NDUFA5: variants seen among roughly 807,000 people sequenced by gnomAD.
The protein encoded by NDUFA5 is NADH dehydrogenase [ubiquinone] 1 alpha subcomplex subunit 5.
A neutral mutation model predicts 19.8 loss-of-function variants in NDUFA5; 11 were observed. The ratio of observed to expected loss-of-function variants is 0.56; its 90% CI spans 0.35 to 0.92. The LOEUF is 0.92. NDUFA5 is among the 40% of genes least tolerant of loss of function. The pLI, the probability that NDUFA5 is intolerant of heterozygous loss-of-function variation, is 0.01. For synonymous variants in NDUFA5, 47 were observed against 46.8 expected, an observed-to-expected ratio of 1.00 and a Z score of -0.01; for missense variants, 109 against 134.2, an observed-to-expected ratio of 0.81 and a Z score of 0.93.
chr7:123,577,419 A>G, the NDUFA5 span, among the ~76,000 whole-genome samples: 1 of 152,198 alleles, frequency 6.6e-6, no homozygotes, highest in Non-Finnish European at 1.5e-5. Context: ...CTGTTAGAAT[A>G]TAACAATCAC....
At chr7:123,571,028 G>A in the NDUFA5 span, among the ~76,000 whole-genome samples, 1 of 152,172 alleles carries the variant, frequency 6.6e-6, no homozygotes, top group East Asian at 1.9e-4. Flanking sequence ...AGTGGTTCAA[G>A]AACCCCTAGC....
chr7:123,590,937 A>C, the NDUFA5 span, among the ~76,000 whole-genome samples: 4 of 152,214 alleles, frequency 2.6e-5, no homozygotes, highest in East Asian at 7.7e-4. Context: ...ATGAGTATGG[A>C]ATGTTCTTCC....
intron 3 of NDUFA5, chr7:123,546,745 C>A (rs1026979251): frequency 1.6e-6 from 2 of 1,218,342 alleles, no homozygotes; most frequent in African/African-American, 3.1e-5. Flanking sequence ...CTTGTTTCTT[C>A]ACCACTTTTC....
upstream of NDUFA5, chr7:123,557,841 C>A: frequency 6.2e-7 from 1 of 1,611,368 alleles, no homozygotes; most frequent in Non-Finnish European, 8.5e-7. Flanking sequence ...GGGAACAATT[C>A]TCAGACCTGC....
the NDUFA5 span, among the ~76,000 whole-genome samples, chr7:123,593,710 A>C: frequency 1.3e-5 from 2 of 151,640 alleles, no homozygotes; most frequent in Non-Finnish European, 2.9e-5. Context: ...TGCCCTTAAC[A>C]TTTTTTCCTT....
the NDUFA5 span, among the ~76,000 whole-genome samples, chr7:123,575,175 A>C: frequency 6.6e-6 from 1 of 151,806 alleles, no homozygotes; most frequent in Non-Finnish European, 1.5e-5. Context: ...TTAAGGATTA[A>C]CATTATATTT....
chr7:123,572,731 G>T, the NDUFA5 span, among the ~76,000 whole-genome samples: 1 of 146,230 alleles, frequency 6.8e-6, no homozygotes, highest in Non-Finnish European at 1.5e-5. Flanking sequence ...TCTGCAACAT[G>T]TTATTTTAAA....
At chr7:123,561,511 T>G (rs1297373768), upstream of NDUFA5, among the ~76,000 whole-genome samples, 1 of 152,200 alleles carries the variant, frequency 6.6e-6, no homozygotes, top group Non-Finnish European at 1.5e-5. Flanking sequence ...CTTTTTCCAC[T>G]GATCTTCAAC....
the NDUFA5 span, among the ~76,000 whole-genome samples, chr7:123,578,683 T>C: frequency 6.6e-6 from 1 of 152,090 alleles, no homozygotes; most frequent in African/African-American, 2.4e-5. Flanking sequence ...TTTCATTCAA[T>C]AGCTTAGTCT....
At chr7:123,557,550 C>G in intron 1 of NDUFA5, 102 bp from the exon 2 acceptor site, 1 of 1,611,072 alleles carries the variant, frequency 6.2e-7, no homozygotes, top group Non-Finnish European at 8.5e-7. Flanking sequence ...TAAAACTGGT[C>G]TAAAGCCAGC....
chr7:123,574,851 CTTTT>C, the NDUFA5 span, among the ~76,000 whole-genome samples: 4 of 152,102 alleles, frequency 2.6e-5, no homozygotes, highest in Middle Eastern at 3.4e-3. Context: ...CCAAAGTACT[CTTTT>C]TATTTTTTCT....
At chr7:123,561,543 G>C (rs1798687409), upstream of NDUFA5, among the ~76,000 whole-genome samples, 1 of 151,854 alleles carries the variant, frequency 6.6e-6, no homozygotes, top group African/African-American at 2.4e-5. Flanking sequence ...ATCCATGTGA[G>C]TTGGAATCAA....
At chr7:123,587,116 A>G in the NDUFA5 span, among the ~76,000 whole-genome samples, 1 of 151,676 alleles carries the variant, frequency 6.6e-6, no homozygotes, top group African/African-American at 2.4e-5. Flanking sequence ...CATCATTGGA[A>G]TTTTGGTAAG....
At chr7:123,592,064 T>C in the NDUFA5 span, among the ~76,000 whole-genome samples, 1 of 152,232 alleles carries the variant, frequency 6.6e-6, no homozygotes, top group Non-Finnish European at 1.5e-5. Context: ...CCATTTCTTC[T>C]AGATATTTTA....
At chr7:123,555,146 G>A (rs973561324) in intron 2 of NDUFA5, 2 of 152,222 alleles carry the variant, frequency 1.3e-5, no homozygotes, top group Non-Finnish European at 2.9e-5. Flanking sequence ...ATGCATAGGA[G>A]ATAAAGTTAG....
chr7:123,548,511 C>T (rs993840736), intron 3 of NDUFA5, among the ~76,000 whole-genome samples: 3 of 152,042 alleles, frequency 2.0e-5, no homozygotes, highest in South Asian at 2.1e-4. Context: ...TAAGAACTAC[C>T]AAACAACGTA....
chr7:123,593,179 TG>T, the NDUFA5 span, among the ~76,000 whole-genome samples: 3 of 152,190 alleles, frequency 2.0e-5, no homozygotes, highest in African/African-American at 7.2e-5. Context: ...GCATGTGAGA[TG>T]GGTCTCCTGA....
the NDUFA5 span, among the ~76,000 whole-genome samples, chr7:123,569,356 T>C: frequency 1.3e-5 from 2 of 151,992 alleles, no homozygotes; most frequent in Non-Finnish European, 2.9e-5. Flanking sequence ...CTCAGATACA[T>C]GTAAATAGCA....
At chr7:123,572,382 G>C in the NDUFA5 span, among the ~76,000 whole-genome samples, 1 of 151,192 alleles carries the variant, frequency 6.6e-6, no homozygotes, top group South Asian at 2.1e-4. Context: ...CTCATGATCC[G>C]CCCGCCTCAG....
Sources: allele counts gnomAD v4.1 joint callset (sites outside exome capture counted in the v4.1 genomes callset), GRCh38; gene constraint gnomAD v4.1.1; transcripts MANE v1.5; gene names NCBI Gene and HGNC (gene_info 2026-07-23, HGNC 2026-07-21).